USP51: variants seen among roughly 807,000 people sequenced by gnomAD.
The protein encoded by USP51 is ubiquitin specific peptidase 51.
A neutral mutation model predicts 17.6 loss-of-function variants in USP51; 5 were observed. The observed-to-expected ratio is 0.28, with a 90% CI of 0.15 to 0.60. The LOEUF (loss-of-function observed/expected upper bound fraction) is 0.60, where lower values mean the gene tolerates loss of function less well. Among genes scored for constraint, USP51 ranks in the 20% least tolerant of loss-of-function variants. The probability of loss-of-function intolerance (pLI) is 0.88; values close to 1 mark genes in which losing one functional copy is unlikely to be tolerated. For missense variants in USP51, 459 were observed against 559.5 expected (o/e 0.82, Z 1.81); for synonymous variants, 248 against 216.1 (o/e 1.15, Z -1.29).
At position 55,488,605 on chromosome X, in the gene USP51, G is replaced by A; in HGVS notation, c.335C>T (p.Ala112Val). Reference sequence around the variant, plus strand: ...GAGCCCAGGCTGGCTGCGGGAGCGGGCCCGGGGCTGGGGCCGAGGGCGGGG... The same window carrying A: ...GAGCCCAGGCTGGCTGCGGGAGCGGACCCGGGGCTGGGGCCGAGGGCGGGG... ...RKPRPRPQPR[A>V]RSRSQPGLSA... Residue 112 changes from alanine (A) to valine (V), a missense_variant, in exon 3 of 3, where the codon GCC becomes GTC. Ala to Val is a moderately conservative substitution (Grantham distance 64). Transcript: ENST00000500968. 1.3e-5 allele frequency: 15 copies of A among 1,123,934 alleles called. No individual in the cohort carries two copies. The highest frequency in any genetic ancestry group is 2.1e-5 in the South Asian group (1 of 47,891). 92.6% of individuals were successfully genotyped at this position (1,123,934 alleles called of 1,213,427 possible).
chrX:55,486,225 T>A lies in USP51; in HGVS notation c.*579A>T, dbSNP rs1262028301. On this transcript the variant is annotated 3_prime_UTR_variant, in exon 3 of 3. Transcript: ENST00000500968. ...TCTGAAACTTCTTTAAATTAAAAAA[T>A]TATTTTTAACTTTTAAAATATTTCT... 8.9e-6 allele frequency: 1 copy of A among 112,030 alleles called. No individual in the cohort carries two copies. Among genetic ancestry groups the A allele is most frequent in the African/African-American group, 3.2e-5 (1 of 31,051 alleles). The allele number at this position is 112,030 out of a possible 1,213,427, so 9.2% of individuals were successfully genotyped here. A position where few individuals can be genotyped will look rare whatever the true frequency, so the allele number is the denominator to read the frequency against.
rs1404675128 is a variant in USP51 at position 55,487,188 on chromosome X, T to C, written c.1752A>G (p.Thr584=). ...QSYQESTKQL[T]MKKLPIVACF... is the part of the protein sequence containing the mutation. Reference sequence around the variant, plus strand: ...AAGCCACAATGGGTAATTTTTTCATTGTGAGCTGTTTAGTAGACTCCTGGT... The same window carrying C: ...AAGCCACAATGGGTAATTTTTTCATCGTGAGCTGTTTAGTAGACTCCTGGT... The change falls in exon 3 of 3, where the codon ACA becomes ACG. Residue 584 remains threonine (T), a synonymous_variant. Coordinates refer to ENST00000500968, the MANE Select transcript of USP51 (RefSeq NM_201286.4). 1 of 1,210,293 alleles carries C rather than the reference T, an allele frequency of 8.3e-7. No homozygotes were observed. The highest frequency in any genetic ancestry group is 2.2e-5 in the Admixed American group (1 of 45,806).
Position 55,489,004 on chromosome X carries a change from G to T in USP51, c.-49-16C>A. The T allele has an allele frequency of 8.7e-7, 1 of 1,146,245 alleles. No individual in the cohort carries two copies. Among genetic ancestry groups the T allele is most frequent in the Non-Finnish European group, 1.2e-6 (1 of 856,415 alleles). The allele number at this position is 1,146,245 out of a possible 1,213,427, so 94.5% of individuals were successfully genotyped here. ...ACAGCTGCGACTGTAGATGAAAGGAGACAGAGACTTCTGTGAATGATCTGC... is the reference window on the plus strand; with the variant it reads ...ACAGCTGCGACTGTAGATGAAAGGATACAGAGACTTCTGTGAATGATCTGC... On this transcript the variant is annotated splice_polypyrimidine_tract_variant and intron_variant, in intron 2 of 2. Coordinates refer to ENST00000500968, the MANE Select transcript of USP51 (RefSeq NM_201286.4).
rs1392198956 is a variant in USP51, at chrX:55,485,993, ATATTT to A, written c.*806_*810del. On this transcript the variant is annotated 3_prime_UTR_variant, in exon 3 of 3. Transcript: ENST00000500968. ...TTTTGTTAACACTTTTTAAATACGTATATTTTATGCTTTAATTTTGAAATATCTAT... is the reference window on the plus strand; with the variant it reads ...TTTTGTTAACACTTTTTAAATACGTATATGCTTTAATTTTGAAATATCTAT... 1 of 111,281 alleles carries A rather than the reference ATATTT, an allele frequency of 9.0e-6. No individual in the cohort carries two copies. The highest frequency in any genetic ancestry group is 1.9e-5 in the Non-Finnish European group (1 of 52,965). The allele number at this position is 111,281 out of a possible 1,213,427, so 9.2% of individuals were successfully genotyped here.
At position 55,488,326 on chromosome X, in the gene USP51, T is replaced by C; in HGVS notation, c.614A>G (p.Lys205Arg). ...CSHVESFKVG[K>R]NWQKNLRLIY... ...CAACCTCAGGTTCTTCTGCCAGTTCTTACCTACTTTAAAGCTCTCCACATG... is the reference window on the plus strand; with the variant it reads ...CAACCTCAGGTTCTTCTGCCAGTTCCTACCTACTTTAAAGCTCTCCACATG... The change falls in exon 3 of 3, where the codon AAG (lysine) becomes AGG (arginine). Residue 205 changes from lysine (K) to arginine (R), a missense_variant. This residue lies in a region of USP51 where 232 missense variants were observed against 194.0 expected (regional missense o/e 1.20). Coordinates refer to ENST00000500968, the MANE Select transcript of USP51 (RefSeq NM_201286.4). 1 of 1,211,962 alleles carries C rather than the reference T, an allele frequency of 8.3e-7. No homozygotes were observed. The highest frequency in any genetic ancestry group is 1.1e-6 in the Non-Finnish European group (1 of 895,468).
chrX:55,489,082 G>T, intron 2 of USP51, 87 bp downstream of exon 2: 2 of 857,538 alleles, frequency 2.3e-6, no homozygotes, highest in South Asian at 2.7e-5. Context: ...CCTCCCATCG[G>T]CCCTTGAGCT....
intron 1 of USP51, among the ~76,000 whole-genome samples, 29 bp from the exon 2 acceptor site, chrX:55,489,394 C>A (rs1476705971): frequency 8.8e-6 from 1 of 113,141 alleles, no homozygotes; most frequent in Non-Finnish European, 1.9e-5. Flanking sequence ...AACATTTTCT[C>A]TCCAAAATGG....
intron 2 of USP51, 88 bp downstream of exon 2, chrX:55,489,081 G>A: frequency 1.1e-6 from 1 of 875,915 alleles, no homozygotes; most frequent in Non-Finnish European, 1.6e-6. Flanking sequence ...CCCTCCCATC[G>A]GCCCTTGAGC....
chrX:55,487,772 A>G lies in USP51; in HGVS notation c.1168T>C (p.Phe390Leu), dbSNP rs1436007682. The change falls in exon 3 of 3, where the codon TTC becomes CTC. Residue 390 changes from phenylalanine to leucine, a missense_variant. By Grantham distance (22) the Phe-to-Leu change is conservative. Transcript: ENST00000500968. ...ALTHIPLLKD[F>L]FLSDKHKCIM... ...CATTTGTGCTTGTCAGAGAGGAAGA[A>G]ATCTTTCAGTAGAGGAATATGGGTA... is the stretch of plus-strand genomic sequence containing the variant. 2.7e-5 allele frequency: 33 copies of G among 1,212,169 alleles called. No individual in the cohort carries two copies. Among genetic ancestry groups the G allele is most frequent in the Non-Finnish European group, 3.7e-5 (33 of 895,607 alleles).
At position 55,488,013 on chromosome X, in the gene USP51, C is replaced by T; in HGVS notation, c.927G>A (p.Leu309=). The part of the protein sequence containing the change: ...QIAKETKEKI[L]RLLTSTSTDV... ...CTGTTGAGGTGGAAGTTAATAATCT[C>T]AAAATTTTTTCTTTTGTTTCTTTGG... Residue 309 remains leucine, a synonymous_variant, in exon 3 of 3, where the codon TTG becomes TTA. Coordinates refer to ENST00000500968, the MANE Select transcript of USP51 (RefSeq NM_201286.4). 1.7e-6 allele frequency: 2 copies of T among 1,208,772 alleles called. No homozygotes were observed. Among genetic ancestry groups the T allele is most frequent in the Non-Finnish European group, 2.2e-6 (2 of 894,584 alleles).
At chrX:55,489,640 A>G (rs1344163780) in intron 1 of USP51, among the ~76,000 whole-genome samples, 136 bp downstream of exon 1, 2 of 108,995 alleles carry the variant, frequency 1.8e-5, no homozygotes, top group African/African-American at 6.7e-5. Context: ...TCGGATTACT[A>G]CTCCCTCCCT....
Position 55,485,411 on chromosome X carries a change from A to AGG in USP51, c.*1391_*1392dup. On this transcript the variant is annotated 3_prime_UTR_variant, in exon 3 of 3. Coordinates refer to ENST00000500968, the MANE Select transcript of USP51 (RefSeq NM_201286.4). ...GGGGAAGGTGGGTTAGTTAGTGTTT[A>AGG]GGCCTTGCAGCCATTTCACAATTGG... is the stretch of plus-strand genomic sequence containing the variant. 9.0e-6 allele frequency: 1 copy of AGG among 110,955 alleles called. No individual in the cohort carries two copies. The highest frequency in any genetic ancestry group is 3.8e-4 in the South Asian group (1 of 2,615). The allele number at this position is 110,955 out of a possible 1,213,427, so 9.1% of individuals were successfully genotyped here. A position where few individuals can be genotyped will look rare whatever the true frequency, so the allele number is the denominator to read the frequency against.
Position 55,487,590 on chromosome X carries a change from G to A in USP51, c.1350C>T (p.Ala450=). Residue 450 remains alanine, a synonymous_variant, in exon 3 of 3, where the codon GCC becomes GCT. Transcript: ENST00000500968. Reference sequence around the variant, plus strand: ...CTAATATTGCAATAAGGAACTCATGGGCATCCTGCTGCCTGTACCCTGCTA... The same window carrying A: ...CTAATATTGCAATAAGGAACTCATGAGCATCCTGCTGCCTGTACCCTGCTA... ...EHLAGYRQQD[A]HEFLIAILDV... is the part of the protein sequence containing the mutation. 8.3e-7 allele frequency: 1 copy of A among 1,211,922 alleles called. No individual in the cohort carries two copies. Among genetic ancestry groups the A allele is most frequent in the Non-Finnish European group, 1.1e-6 (1 of 895,564 alleles).
rs1379733216 is a variant in USP51 at position 55,486,048 on chromosome X, AC to A, written c.*755del. On this transcript the variant is annotated 3_prime_UTR_variant, in exon 3 of 3. Transcript: ENST00000500968. Reference sequence around the variant, plus strand: ...TTTATATTATTTTCCTTCATTTGAAACTTTTAAGATGTTCCTTTGTTTCTAA... The same window carrying A: ...TTTATATTATTTTCCTTCATTTGAAATTTTAAGATGTTCCTTTGTTTCTAA... 2.7e-5 allele frequency: 3 copies of A among 111,055 alleles called. No homozygotes were observed. In the East Asian group the frequency reaches 8.5e-4, roughly 31 times the overall value. The allele number at this position is 111,055 out of a possible 1,213,427, so 9.2% of individuals were successfully genotyped here.
chrX:55,489,033 G>C (rs1404433040), intron 2 of USP51, 45 bp from the exon 3 acceptor site: 1 of 1,090,425 alleles, frequency 9.2e-7, no homozygotes, highest in African/African-American at 1.9e-5. Context: ...GATCTGCCCA[G>C]CGTCATGGCC....
chrX:55,487,752 G>C lies in USP51; in HGVS notation c.1188C>G (p.His396Gln). Residue 396 changes from histidine to glutamine, a missense_variant, in exon 3 of 3, where the codon CAC (histidine) becomes CAG (glutamine). His to Gln is a conservative substitution (Grantham distance 24, BLOSUM62 0). Transcript: ENST00000500968. ...AGCTGGGGCTTGTCATTATACATTT[G>C]TGCTTGTCAGAGAGGAAGAAATCTT... Reference protein sequence around the residue: ...LLKDFFLSDKHKCIMTSPSLC... With the variant: ...LLKDFFLSDKQKCIMTSPSLC... 8.3e-7 allele frequency: 1 copy of C among 1,212,082 alleles called. No homozygotes were observed. The highest frequency in any genetic ancestry group is 1.1e-6 in the Non-Finnish European group (1 of 895,584).
Position 55,489,798 on chromosome X carries a change from T to C in USP51, c.-269A>G, listed in dbSNP as rs901891988. 8.9e-6 allele frequency among the ~76,000 whole-genome samples: 1 copy of C among 111,835 alleles called. No homozygotes were observed. Among genetic ancestry groups the C allele is most frequent in the Non-Finnish European group, 1.9e-5 (1 of 53,127 alleles). ...TACCTTGGGCCCCAGGCGCGTGATA[T>C]AGAACGTCAGCAACTGCTGCTGTCC... On this transcript the variant is annotated 5_prime_UTR_variant, in exon 1 of 3. Transcript: ENST00000500968.
rs2031379609 is a variant in USP51 at position 55,488,907 on chromosome X, G to A, written c.33C>T (p.Ser11=). MAQVRETSLP[S]GSGVRWISGG... ...CGGAGATCCAGCGGACCCCAGAGCC[G>A]GAGGGCAAAGAAGTTTCTCGAACCT... Residue 11 remains serine (S), a synonymous_variant, in exon 3 of 3, where the codon TCC becomes TCT. Coordinates refer to ENST00000500968, the MANE Select transcript of USP51 (RefSeq NM_201286.4). 8.3e-7 allele frequency: 1 copy of A among 1,207,481 alleles called. No homozygotes were observed. Among genetic ancestry groups the A allele is most frequent in the Non-Finnish European group, 1.1e-6 (1 of 893,599 alleles).
chrX:55,486,245 ATT>A lies in USP51; in HGVS notation c.*557_*558del, dbSNP rs1386250123. ...AAAAATTATTTTTAACTTTTAAAAT[ATT>A]TCTTTTAAAAATAACAACTTAAATT... is the stretch of plus-strand genomic sequence containing the variant. On this transcript the variant is annotated 3_prime_UTR_variant, in exon 3 of 3. Transcript: ENST00000500968. 8.9e-6 allele frequency: 1 copy of A among 112,097 alleles called. No individual in the cohort carries two copies. The highest frequency in any genetic ancestry group is 2.8e-4 in the East Asian group (1 of 3,636). 9.2% of individuals were successfully genotyped at this position (112,097 alleles called of 1,213,427 possible).
Sources: allele counts gnomAD v4.1 joint callset (sites outside exome capture counted in the v4.1 genomes callset), GRCh38; gene constraint gnomAD v4.1.1; regional missense constraint gnomAD v4.1.1; transcripts MANE v1.5; gene names NCBI Gene and HGNC (gene_info 2026-07-23, HGNC 2026-07-21).